MICU1: variants seen among roughly 807,000 people sequenced by gnomAD.
MICU1 encodes the protein calcium uptake protein 1, mitochondrial.
In MICU1, 45 loss-of-function variants were observed where a neutral mutation model predicts 56.8. That is an observed-to-expected ratio of 0.79 (90% CI 0.62 to 1.02). The LOEUF (loss-of-function observed/expected upper bound fraction) is 1.02. MICU1 is among the 50% of genes least tolerant of loss of function. The pLI, the probability that MICU1 is intolerant of heterozygous loss-of-function variation, is 0.00. For synonymous variants in MICU1, 186 were observed against 195.1 expected (o/e 0.95, Z 0.39); for missense variants, 504 against 587.1 (o/e 0.86, Z 1.46).
intron 10 of MICU1, among the ~76,000 whole-genome samples, chr10:72,377,251 C>T (rs565457649): frequency 2.6e-4 from 40 of 152,108 alleles, no homozygotes; most frequent in Admixed American, 6.6e-4. Flanking sequence ...TCCCAAGTAG[C>T]TGGGACTACT....
At chr10:72,412,605 C>G (rs1265151073) in intron 9 of MICU1, among the ~76,000 whole-genome samples, 2 of 152,102 alleles carry the variant, frequency 1.3e-5, no homozygotes, top group Non-Finnish European at 2.9e-5. Flanking sequence ...AATCCCAGCA[C>G]TTTGGGAGGT....
intron 8 of MICU1, among the ~76,000 whole-genome samples, chr10:72,464,460 C>A (rs1205519903): frequency 6.6e-6 from 1 of 152,056 alleles, no homozygotes; most frequent in Non-Finnish European, 1.5e-5. Context: ...AAGGAGAAAG[C>A]AGTACATGTT....
intron 1 of MICU1, among the ~76,000 whole-genome samples, chr10:72,614,670 G>A (rs1329364308): frequency 6.6e-6 from 1 of 152,142 alleles, no homozygotes; most frequent in Admixed American, 6.5e-5. Context: ...ATCCAAAAAA[G>A]GCAAATACTT....
At chr10:72,547,524 T>C (rs1839925668) in intron 4 of MICU1, among the ~76,000 whole-genome samples, 1 of 106,264 alleles carries the variant, frequency 9.4e-6, no homozygotes, top group African/African-American at 3.7e-5. Flanking sequence ...AATGAATATA[T>C]ACACATATGT....
chr10:72,481,714 A>T lies in MICU1; in HGVS notation c.653-4458T>A, dbSNP rs372249640. On this transcript the variant is annotated intron_variant, in intron 6 of 11. Transcript: ENST00000361114. ...GGCGTGAGCCACAGCGCCCACCCTG[A>T]AAAAGGAATTCTTTTGAATGCTAGG... Among the ~76,000 whole-genome samples, 3 of 152,264 alleles carry T rather than the reference A, an allele frequency of 2.0e-5. No homozygotes were observed. The South Asian group carries it at 6.2e-4, about 32-fold the overall frequency.
At chr10:72,614,099 C>T (rs1451924328) in intron 1 of MICU1, among the ~76,000 whole-genome samples, 3 of 152,082 alleles carry the variant, frequency 2.0e-5, no homozygotes, top group African/African-American at 4.8e-5. Flanking sequence ...GCTGAGATTA[C>T]ACCATTGCAC....
intron 8 of MICU1, among the ~76,000 whole-genome samples, chr10:72,466,594 A>C (rs1012343042): frequency 6.6e-6 from 1 of 152,256 alleles, no homozygotes; most frequent in African/African-American, 2.4e-5. Context: ...GGATTTAATT[A>C]AATCAAGAGT....
At chr10:72,514,335 C>T (rs1179735774) in intron 5 of MICU1, among the ~76,000 whole-genome samples, 1 of 151,840 alleles carries the variant, frequency 6.6e-6, no homozygotes, top group Non-Finnish European at 1.5e-5. Flanking sequence ...AGGATACTCC[C>T]TATTTCTTTT....
At chr10:72,535,021 T>TTTTATTTTATTTTATTTTATTTTATTTTA (rs1839593545) in intron 4 of MICU1, among the ~76,000 whole-genome samples, 21 of 97,054 alleles carry the variant, frequency 2.2e-4, no homozygotes, top group Admixed American at 3.9e-4. Flanking sequence ...TTTTATTTTA[T>TTTTATTTTATTTTATTTTATTTTATTTTA]TTTATTTTAT....
chr10:72,380,275 A>G (rs1302856799), intron 10 of MICU1, among the ~76,000 whole-genome samples: 2 of 152,186 alleles, frequency 1.3e-5, no homozygotes, highest in South Asian at 2.1e-4. Flanking sequence ...AGCTTTCTAA[A>G]TACTACGTAT....
chr10:72,586,408 T>C (rs1841060940), intron 1 of MICU1, among the ~76,000 whole-genome samples: 1 of 152,058 alleles, frequency 6.6e-6, no homozygotes, highest in Admixed American at 6.5e-5. Context: ...TCCAGCACTT[T>C]GGGAGGCCAA....
At chr10:72,552,701 C>T (rs1376379409) in intron 3 of MICU1, among the ~76,000 whole-genome samples, 15 of 152,048 alleles carry the variant, frequency 9.9e-5, no homozygotes, top group Admixed American at 9.8e-4. Flanking sequence ...ATTACAGGTG[C>T]CGGCCATCAC....
chr10:72,622,734 G>A (rs74148039), intron 1 of MICU1, among the ~76,000 whole-genome samples: 5,712 of 152,068 alleles, frequency 0.038, 376 homozygotes, highest in African/African-American at 0.13. Context: ...TTTCAATATT[G>A]TATTTTCGAT....
intron 1 of MICU1, among the ~76,000 whole-genome samples, chr10:72,623,300 C>CAAAAAAA (rs1164753291): frequency 3.4e-4 from 19 of 55,794 alleles, no homozygotes; most frequent in African/African-American, 1.1e-3. Flanking sequence ...GACTCCGTCT[C>CAAAAAAA]AAAAAAAAAA....
chr10:72,375,947 G>C, intron 10 of MICU1, 75 bp from the exon 11 acceptor site: 1 of 1,321,192 alleles, frequency 7.6e-7, no homozygotes, highest in Non-Finnish European at 1.1e-6. Flanking sequence ...GGGATAAAAC[G>C]ACTCAGTCAT....
At chr10:72,432,800 C>T (rs561660605) in intron 8 of MICU1, among the ~76,000 whole-genome samples, 9 of 152,288 alleles carry the variant, frequency 5.9e-5, no homozygotes, top group South Asian at 2.1e-4. Context: ...TCCAACATTG[C>T]GGGGGTCACA....
At chr10:72,522,675 C>T (rs758708783) in intron 5 of MICU1, among the ~76,000 whole-genome samples, 7 of 152,092 alleles carry the variant, frequency 4.6e-5, no homozygotes, top group Admixed American at 1.3e-4. Flanking sequence ...GAACAGCATT[C>T]TATGCTACCA....
intron 8 of MICU1, among the ~76,000 whole-genome samples, chr10:72,441,669 T>G (rs1270205308): frequency 2.2e-5 from 3 of 134,538 alleles, no homozygotes; most frequent in African/African-American, 8.2e-5. Flanking sequence ...CAGGCTGGAG[T>G]GCAGTGGTAC....
intron 10 of MICU1, among the ~76,000 whole-genome samples, chr10:72,402,528 C>T (rs773150455): frequency 6.0e-5 from 9 of 150,750 alleles, no homozygotes; most frequent in East Asian, 3.9e-4. Flanking sequence ...ACTGGGTTGC[C>T]GTCTTCAAAC....
Sources: gnomAD v4.1 joint callset for allele counts (sites outside exome capture counted in the v4.1 genomes callset) on GRCh38, gnomAD v4.1.1 for gene constraint, MANE v1.5 for transcripts, NCBI Gene and HGNC (gene_info 2026-07-23, HGNC 2026-07-21) for gene names.